Variants in TMEM164 observed in about 807,000 individuals in gnomAD.
The protein encoded by TMEM164 is RP13-360B22.2.
In TMEM164, 4 loss-of-function variants were observed where a neutral mutation model predicts 18.8. The observed-to-expected ratio is 0.21, with a 90% CI of 0.10 to 0.49. The LOEUF is 0.49. TMEM164 is among the 20% of genes least tolerant of loss of function. The pLI is 0.98. For missense variants in TMEM164, 108 were observed against 239.9 expected (o/e 0.45, Z 3.63); for synonymous variants, 86 against 101.7 (o/e 0.85, Z 0.93).
intron 5 of TMEM164, among the ~76,000 whole-genome samples, chrX:110,164,088 C>T (rs2067128729): frequency 8.9e-6 from 1 of 111,824 alleles, no homozygotes; most frequent in South Asian, 3.7e-4. Flanking sequence ...AGTATGATTG[C>T]CTGGCAACAT....
chrX:110,173,519 G>A lies in TMEM164; in HGVS notation c.*68G>A. The A allele has an allele frequency of 1.0e-6, 1 of 963,114 alleles. No homozygotes were observed. Among genetic ancestry groups the A allele is most frequent in the South Asian group, 2.2e-5 (1 of 44,723 alleles). 79.4% of individuals were successfully genotyped at this position (963,114 alleles called of 1,213,427 possible). On this transcript the variant is annotated 3_prime_UTR_variant, in exon 7 of 7. Coordinates refer to ENST00000372068, the MANE Select transcript of TMEM164 (RefSeq NM_032227.4). Reference sequence around the variant, plus strand: ...CGTGACTTGACTTGGAGAACACCCAGTTCTTGATAAAATCATGGGAGAGGG... The same window carrying A: ...CGTGACTTGACTTGGAGAACACCCAATTCTTGATAAAATCATGGGAGAGGG...
At chrX:110,130,169 A>G (rs1333774367) in intron 4 of TMEM164, among the ~76,000 whole-genome samples, 1 of 112,045 alleles carries the variant, frequency 8.9e-6, no homozygotes, top group Non-Finnish European at 1.9e-5. Flanking sequence ...GGTGTGGAGG[A>G]GAAAGAATAG....
At chrX:110,140,882 A>G (rs781515689) in intron 4 of TMEM164, among the ~76,000 whole-genome samples, 4 of 111,870 alleles carry the variant, frequency 3.6e-5, no homozygotes, top group Non-Finnish European at 5.6e-5. Flanking sequence ...CTAGGGAAGT[A>G]TGGCATTTCA....
intron 5 of TMEM164, among the ~76,000 whole-genome samples, chrX:110,153,560 C>T (rs767873934): frequency 8.1e-5 from 9 of 111,555 alleles, no homozygotes; most frequent in Admixed American, 5.7e-4. Context: ...AGTCATCTCT[C>T]GGTATCCATG....
Position 110,174,342 on chromosome X carries a change from C to T in TMEM164, c.*891C>T, listed in dbSNP as rs1367320927. On this transcript the variant is annotated 3_prime_UTR_variant, in exon 7 of 7. Transcript: ENST00000372068. ...TCTTGAGTGCCCCTTAAATGTGTTC[C>T]CTCTCCCTTTCCCTCTCCCCCCACC... 1 of 105,597 alleles carries T rather than the reference C, an allele frequency of 9.5e-6. No homozygotes were observed. The highest frequency in any genetic ancestry group is 1.0e-4 in the Admixed American group (1 of 9,927). The allele number at this position is 105,597 out of a possible 1,213,427, so 8.7% of individuals were successfully genotyped here.
At chrX:110,019,684 A>G (rs756605619) in intron 2 of TMEM164, among the ~76,000 whole-genome samples, 67 of 112,240 alleles carry the variant, frequency 6.0e-4, no homozygotes, top group African/African-American at 2.1e-3. Context: ...ACGCTTTCCC[A>G]GGGAGAGTCC....
In TMEM164 at chrX:110,176,388, T is replaced by A; in HGVS notation, c.*2937T>A. ...GGCACAACAGTAACATGTTCCTCTG[T>A]CAGCCTGTGAAGGCATGCAGGGTTC... On this transcript the variant is annotated 3_prime_UTR_variant, in exon 7 of 7. Transcript: ENST00000372068. 8 of 756,613 alleles carry A rather than the reference T, an allele frequency of 1.1e-5. No homozygotes were observed. The highest frequency in any genetic ancestry group is 1.3e-5 in the Non-Finnish European group (8 of 639,575). The allele number at this position is 756,613 out of a possible 1,213,427, so 62.4% of individuals were successfully genotyped here.
At chrX:110,110,510 T>G (rs953519186) in intron 4 of TMEM164, among the ~76,000 whole-genome samples, 33 of 112,394 alleles carry the variant, frequency 2.9e-4, no homozygotes, top group African/African-American at 9.7e-4. Context: ...TCATGATCTG[T>G]GATAAAGCCT....
chrX:110,124,188 C>CAGGCAGGCAGGA (rs1569339717), intron 4 of TMEM164, among the ~76,000 whole-genome samples: 11 of 72,702 alleles, frequency 1.5e-4, no homozygotes, highest in African/African-American at 4.3e-4. Flanking sequence ...GGCAGGAAGG[C>CAGGCAGGCAGGA]AGGCAGGCAG....
intron 4 of TMEM164, among the ~76,000 whole-genome samples, chrX:110,132,238 C>T (rs940600869): frequency 4.5e-5 from 5 of 111,823 alleles, no homozygotes; most frequent in African/African-American, 1.6e-4. Context: ...CATGCTGCAC[C>T]ATTCGTCCAT....
chrX:110,038,165 T>C (rs1934920555), intron 2 of TMEM164, among the ~76,000 whole-genome samples: 1 of 108,200 alleles, frequency 9.2e-6, no homozygotes, highest in Admixed American at 9.7e-5. Context: ...TAATTTTTTG[T>C]ATTTTTAGTA....
downstream of TMEM164, among the ~76,000 whole-genome samples, chrX:110,181,191 G>A (rs1266915595): frequency 8.9e-6 from 1 of 111,897 alleles, no homozygotes. Context: ...TTTCCAGGCC[G>A]GTTCTGAGTC....
downstream of TMEM164, among the ~76,000 whole-genome samples, chrX:110,179,393 C>T (rs1431408561): frequency 8.9e-6 from 1 of 111,822 alleles, no homozygotes; most frequent in Non-Finnish European, 1.9e-5. Flanking sequence ...ATATAAAGCC[C>T]AGGCTCTTTC....
At position 110,100,448 on chromosome X, in the gene TMEM164, T is replaced by C. The variant is rs1444918543; in HGVS notation, c.441-8632T>C. 3.6e-5 allele frequency among the ~76,000 whole-genome samples: 4 copies of C among 112,352 alleles called. No individual in the cohort carries two copies. In the Admixed American group the frequency reaches 3.8e-4, roughly 11 times the overall value. ...AATACCCTTTCTGTATCAGTTGATA[T>C]GATCACGTACTTTTTAGTCTTTTTT... On this transcript the variant is annotated intron_variant, in intron 3 of 6. Coordinates refer to ENST00000372068, the MANE Select transcript of TMEM164 (RefSeq NM_032227.4).
intron 4 of TMEM164, among the ~76,000 whole-genome samples, chrX:110,127,406 G>A (rs775622686): frequency 3.6e-4 from 40 of 111,448 alleles, no homozygotes; most frequent in Non-Finnish European, 6.6e-4. Flanking sequence ...CCAGCTACTC[G>A]GGAGGCTGAG....
chrX:110,159,581 A>G (rs986871493), intron 5 of TMEM164, among the ~76,000 whole-genome samples: 6 of 110,609 alleles, frequency 5.4e-5, no homozygotes, highest in Non-Finnish European at 1.1e-4. Flanking sequence ...AATCACCCAG[A>G]ATGCCATCAG....
intron 5 of TMEM164, among the ~76,000 whole-genome samples, chrX:110,154,620 A>G (rs1379117472): frequency 9.0e-6 from 1 of 111,455 alleles, no homozygotes; most frequent in Non-Finnish European, 1.9e-5. Context: ...GGGTTTCACC[A>G]TGTTGGCCAG....
chrX:110,067,418 C>G (rs1261338783), intron 3 of TMEM164, 22 bp downstream of exon 3: 1 of 1,190,524 alleles, frequency 8.4e-7, no homozygotes, highest in African/African-American at 1.8e-5. Context: ...TTGGCTTTTG[C>G]TCTGTTGCTC....
intron 4 of TMEM164, among the ~76,000 whole-genome samples, chrX:110,126,749 G>A (rs951505015): frequency 1.8e-5 from 2 of 109,196 alleles, no homozygotes; most frequent in African/African-American, 6.7e-5. Context: ...TTGAGGATGG[G>A]TTCAGGGATT....
Sources: gnomAD v4.1 joint callset for allele counts (sites outside exome capture counted in the v4.1 genomes callset) on GRCh38, gnomAD v4.1.1 for gene constraint, MANE v1.5 for transcripts, NCBI Gene and HGNC (gene_info 2026-07-23, HGNC 2026-07-21) for gene names.